The following P2RY13 variants were observed in gnomAD, a reference collection of about 807,000 sequenced individuals.
P2RY13 encodes purinergic receptor P2Y13.
For synonymous variants in P2RY13, 150 were observed against 155.1 expected, an observed-to-expected ratio of 0.97 and a Z score of 0.24; for missense variants, 412 against 418.4, an observed-to-expected ratio of 0.98 and a Z score of 0.13.
chr3:151,328,045 T>C lies in P2RY13; in HGVS notation c.1011A>G (p.Thr337=). 6.2e-7 allele frequency: 1 copy of C among 1,603,834 alleles called. No individual in the cohort carries two copies. Among genetic ancestry groups the C allele is most frequent in the Non-Finnish European group, 8.5e-7 (1 of 1,176,330 alleles). ...TGCTATGATTTTCTTGGCTTGATGC[T>C]GTGGTCTTTCTCCCTTGCATACATG... ...KLPCMQGRKT[T]ASSQENHSSQ... is the part of the protein sequence containing the mutation. Residue 337 remains threonine, a synonymous_variant, in exon 2 of 2, where the codon ACA becomes ACG. Transcript: ENST00000325602.
In P2RY13 at chr3:151,328,826, G is replaced by T. The variant is rs1577344194; in HGVS notation, c.230C>A (p.Thr77Asn). 1 of 1,613,828 alleles carries T rather than the reference G, an allele frequency of 6.2e-7. No individual in the cohort carries two copies. The highest frequency in any genetic ancestry group is 1.7e-5 in the Admixed American group (1 of 59,972). The change falls in exon 2 of 2, where the codon ACC becomes AAC. Residue 77 changes from threonine (T) to asparagine (N), a missense_variant. By Grantham distance (65) the Thr-to-Asn change is moderately conservative. Coordinates refer to ENST00000325602, the MANE Select transcript of P2RY13 (RefSeq NM_176894.3). Reference sequence around the variant, plus strand: ...AGTGTTTTTGAGGTAGATGATGAAGGTGGAGGAGCTGGGGATGTGAACAAA... The same window carrying T: ...AGTGTTTTTGAGGTAGATGATGAAGTTGGAGGAGCTGGGGATGTGAACAAA... ...WVFVHIPSSS[T>N]FIIYLKNTLV...
At chr3:151,329,404 T>G in intron 1 of P2RY13, 77 bp downstream of exon 1, 1 of 898,376 alleles carries the variant, frequency 1.1e-6, no homozygotes. Flanking sequence ...AATATTAACT[T>G]TAAAGCACCT....
rs139632884 is a variant in P2RY13 at position 151,329,519 on chromosome 3, C to T, written c.10G>A (p.Ala4Thr). 51 of 1,547,276 alleles carry T rather than the reference C, an allele frequency of 3.3e-5. No homozygotes were observed. The highest frequency in any genetic ancestry group is 3.0e-4 in the African/African-American group (22 of 72,964). ...CTCAGTTCTCTCTGTCTTCTTATGG[C>T]GGCAGTCATTAGTTCAGCCTACAAA... MTA[A>T]IRRQRELSIL... The change falls in exon 1 of 2, where the codon GCC becomes ACC. Residue 4 changes from alanine (A) to threonine (T), a missense_variant. Physicochemically the swap from Ala to Thr is moderately conservative, Grantham distance 58 (BLOSUM62 0). Transcript: ENST00000325602.
At position 151,327,636 on chromosome 3, in the gene P2RY13, G is replaced by A. The variant is rs1240595818; in HGVS notation, c.*355C>T. ...AAAGCAGTAGTGTTATGTGAATTGTGGAAAAGAATGTGAGAAGGTGTTTGG... is the reference window on the plus strand; with the variant it reads ...AAAGCAGTAGTGTTATGTGAATTGTAGAAAAGAATGTGAGAAGGTGTTTGG... On this transcript the variant is annotated 3_prime_UTR_variant, in exon 2 of 2. Transcript: ENST00000325602. 6.2e-6 allele frequency: 1 copy of A among 160,336 alleles called. No homozygotes were observed. The highest frequency in any genetic ancestry group is 1.3e-5 in the Non-Finnish European group (1 of 74,682). 9.9% of individuals were successfully genotyped at this position (160,336 alleles called of 1,614,324 possible). A position where few individuals can be genotyped will look rare whatever the true frequency, so the allele number is the denominator to read the frequency against.
chr3:151,328,171 C>T lies in P2RY13; in HGVS notation c.885G>A (p.Leu295=). Residue 295 remains leucine, a synonymous_variant, in exon 2 of 2, where the codon CTG becomes CTA. Transcript: ENST00000325602. ...AGAGAGTTGTTTCTTTAGCAATAAACAGTTGATTTTGCAGTCTACAGTCAG... is the reference window on the plus strand; with the variant it reads ...AGAGAGTTGTTTCTTTAGCAATAAATAGTTGATTTTGCAGTCTACAGTCAG... The part of the protein sequence containing the change: ...NKTDCRLQNQ[L]FIAKETTLFL... 1 of 1,612,988 alleles carries T rather than the reference C, an allele frequency of 6.2e-7. No individual in the cohort carries two copies. The highest frequency in any genetic ancestry group is 8.5e-7 in the Non-Finnish European group (1 of 1,179,568).
chr3:151,328,821 T>C lies in P2RY13; in HGVS notation c.235A>G (p.Ile79Val). The C allele has an allele frequency of 6.2e-7, 1 of 1,613,896 alleles. No individual in the cohort carries two copies. The highest frequency in any genetic ancestry group is 1.3e-5 in the African/African-American group (1 of 74,974). Residue 79 changes from isoleucine to valine, a missense_variant, in exon 2 of 2, where the codon ATC becomes GTC. Ile to Val is a conservative substitution (Grantham distance 29). Coordinates refer to ENST00000325602, the MANE Select transcript of P2RY13 (RefSeq NM_176894.3). ...ACCAAAGTGTTTTTGAGGTAGATGA[T>C]GAAGGTGGAGGAGCTGGGGATGTGA... The part of the protein sequence containing the change: ...FVHIPSSSTF[I>V]IYLKNTLVAD...
At chr3:151,329,431 A>G (rs1401784324) in intron 1 of P2RY13, 50 bp downstream of exon 1, 3 of 1,196,312 alleles carry the variant, frequency 2.5e-6, no homozygotes, top group South Asian at 2.7e-5. Context: ...CCTTAAGCAT[A>G]TTCTTTTATA....
Position 151,328,016 on chromosome 3 carries a change from T to A in P2RY13, c.1040A>T (p.Gln347Leu). 1 of 1,585,434 alleles carries A rather than the reference T, an allele frequency of 6.3e-7. No individual in the cohort carries two copies. The highest frequency in any genetic ancestry group is 8.6e-7 in the Non-Finnish European group (1 of 1,168,938). The change falls in exon 2 of 2, where the codon CAG becomes CTG. Residue 347 changes from glutamine to leucine, a missense_variant. Coordinates refer to ENST00000325602, the MANE Select transcript of P2RY13 (RefSeq NM_176894.3). ...TASSQENHSS[Q>L]TDNITLG ...TCAGCCTAAGGTTATGTTGTCTGTC[T>A]GACTGCTATGATTTTCTTGGCTTGA...
In P2RY13 at chr3:151,326,944, T is replaced by C. The variant is rs6440735; in HGVS notation, c.*1047A>G. 0.83 allele frequency: 125,922 copies of C among 152,138 alleles called. 52,425 individuals carry two copies. The highest frequency in any genetic ancestry group is 0.93 in the African/African-American group (38,547 of 41,530). The allele number at this position is 152,138 out of a possible 1,614,324, so 9.4% of individuals were successfully genotyped here. A position where few individuals can be genotyped will look rare whatever the true frequency, so the allele number is the denominator to read the frequency against. On this transcript the variant is annotated 3_prime_UTR_variant, in exon 2 of 2. Coordinates refer to ENST00000325602, the MANE Select transcript of P2RY13 (RefSeq NM_176894.3). Reference sequence around the variant, plus strand: ...GGGTCACCATCCTTTGAAAAATCTCTCAATATGGATGTTACTGATTGTGGG... The same window carrying C: ...GGGTCACCATCCTTTGAAAAATCTCCCAATATGGATGTTACTGATTGTGGG...
chr3:151,328,451 C>A lies in P2RY13; in HGVS notation c.605G>T (p.Gly202Val), dbSNP rs921654890. 4 of 1,613,718 alleles carry A rather than the reference C, an allele frequency of 2.5e-6. No individual in the cohort carries two copies. Among genetic ancestry groups the A allele is most frequent in the Non-Finnish European group, 3.4e-6 (4 of 1,179,746 alleles). ...ATTTACCATTTGATGCCATTTCAGCCCCAGAGGCCCCTTTAAGGAAGCACA... is the reference window on the plus strand; with the variant it reads ...ATTTACCATTTGATGCCATTTCAGCACCAGAGGCCCCTTTAAGGAAGCACA... ...KKCASLKGPL[G>V]LKWHQMVNNI... The change falls in exon 2 of 2, where the codon GGG becomes GTG. Residue 202 changes from glycine (G) to valine (V), a missense_variant. By Grantham distance (109) the Gly-to-Val change is moderately radical (BLOSUM62 -3). Transcript: ENST00000325602.
In P2RY13 at chr3:151,326,876, A is replaced by G. The variant is rs1002614891; in HGVS notation, c.*1115T>C. 3.3e-5 allele frequency: 5 copies of G among 152,290 alleles called. No homozygotes were observed. In the South Asian group the frequency reaches 1.0e-3, roughly 32 times the overall value. 9.4% of individuals were successfully genotyped at this position (152,290 alleles called of 1,614,324 possible). A position where few individuals can be genotyped will look rare whatever the true frequency, so the allele number is the denominator to read the frequency against. Reference sequence around the variant, plus strand: ...GCCACATTTTACTTTTTTGAATCACAGAAGGATGCAAGAAAAAATACCAAG... The same window carrying G: ...GCCACATTTTACTTTTTTGAATCACGGAAGGATGCAAGAAAAAATACCAAG... On this transcript the variant is annotated 3_prime_UTR_variant, in exon 2 of 2. Transcript: ENST00000325602.
rs532583215 is a variant in P2RY13 at position 151,327,692 on chromosome 3, C to T, written c.*299G>A. On this transcript the variant is annotated 3_prime_UTR_variant, in exon 2 of 2. Coordinates refer to ENST00000325602, the MANE Select transcript of P2RY13 (RefSeq NM_176894.3). ...AGGTTTGTAGGGATATACGTTTCTCCTTAGTCTTTTCCAAAATGTTAAAGT... is the reference window on the plus strand; with the variant it reads ...AGGTTTGTAGGGATATACGTTTCTCTTTAGTCTTTTCCAAAATGTTAAAGT... The T allele has an allele frequency of 1.8e-5, 4 of 218,506 alleles. No homozygotes were observed. In the East Asian group the frequency reaches 3.0e-4, roughly 16 times the overall value. The allele number at this position is 218,506 out of a possible 1,614,324, so 13.5% of individuals were successfully genotyped here.
chr3:151,328,010 T>C lies in P2RY13; in HGVS notation c.1046A>G (p.Asp349Gly). The change falls in exon 2 of 2, where the codon GAC becomes GGC. Residue 349 changes from aspartate to glycine, a missense_variant. Physicochemically the swap from Asp to Gly is moderately conservative, Grantham distance 94. Transcript: ENST00000325602. Reference sequence around the variant, plus strand: ...CAGTTGTCAGCCTAAGGTTATGTTGTCTGTCTGACTGCTATGATTTTCTTG... The same window carrying C: ...CAGTTGTCAGCCTAAGGTTATGTTGCCTGTCTGACTGCTATGATTTTCTTG... ...SSQENHSSQT[D>G]NITLG is the part of the protein sequence containing the mutation. 1 of 1,576,844 alleles carries C rather than the reference T, an allele frequency of 6.3e-7. No individual in the cohort carries two copies. Among genetic ancestry groups the C allele is most frequent in the Non-Finnish European group, 8.6e-7 (1 of 1,165,554 alleles).
rs1749800289 is a variant in P2RY13 at position 151,327,705 on chromosome 3, A to C, written c.*286T>G. Reference sequence around the variant, plus strand: ...TATACGTTTCTCCTTAGTCTTTTCCAAAATGTTAAAGTGAAATGCTCTTGA... The same window carrying C: ...TATACGTTTCTCCTTAGTCTTTTCCCAAATGTTAAAGTGAAATGCTCTTGA... On this transcript the variant is annotated 3_prime_UTR_variant, in exon 2 of 2. Transcript: ENST00000325602. 4.1e-6 allele frequency: 1 copy of C among 243,008 alleles called. No homozygotes were observed. Among genetic ancestry groups the C allele is most frequent in the African/African-American group, 2.3e-5 (1 of 44,140 alleles). The allele number at this position is 243,008 out of a possible 1,614,324, so 15.1% of individuals were successfully genotyped here. A position where few individuals can be genotyped will look rare whatever the true frequency, so the allele number is the denominator to read the frequency against.
rs1243122579 is a variant in P2RY13, at chr3:151,328,494, G to A, written c.562C>T (p.Pro188Ser). ...NTILSNKEATPSSVKKCASLK... is the reference protein window; with the variant it reads ...NTILSNKEATSSSVKKCASLK... ...GAAGCACACTTTTTCACAGACGATG[G>A]TGTTGCTTCCTTGTTGCTCAAGATC... Residue 188 changes from proline (P) to serine (S), a missense_variant, in exon 2 of 2, where the codon CCA becomes TCA. Coordinates refer to ENST00000325602, the MANE Select transcript of P2RY13 (RefSeq NM_176894.3). 5 of 1,613,876 alleles carry A rather than the reference G, an allele frequency of 3.1e-6. No homozygotes were observed. Among genetic ancestry groups the A allele is most frequent in the African/African-American group, 1.3e-5 (1 of 74,904 alleles).
chr3:151,329,079 T>A, intron 1 of P2RY13, 72 bp from the exon 2 acceptor site: 1 of 1,131,854 alleles, frequency 8.8e-7, no homozygotes, highest in Non-Finnish European at 1.3e-6. Context: ...TGCTATTTTT[T>A]AAAAACAGAC....
Position 151,326,951 on chromosome 3 carries a change from G to T in P2RY13, c.*1040C>A, listed in dbSNP as rs1749674940. ...CATCCTTTGAAAAATCTCTCAATAT[G>T]GATGTTACTGATTGTGGGTCAGCAA... is the stretch of plus-strand genomic sequence containing the variant. On this transcript the variant is annotated 3_prime_UTR_variant, in exon 2 of 2. Transcript: ENST00000325602. 1 of 152,132 alleles carries T rather than the reference G, an allele frequency of 6.6e-6. No homozygotes were observed. The highest frequency in any genetic ancestry group is 1.5e-5 in the Non-Finnish European group (1 of 68,034). The allele number at this position is 152,132 out of a possible 1,614,324, so 9.4% of individuals were successfully genotyped here. A position where few individuals can be genotyped will look rare whatever the true frequency, so the allele number is the denominator to read the frequency against.
rs768905525 is a variant in P2RY13, at chr3:151,328,698, A to T, written c.358T>A (p.Ser120Thr). 1 of 1,614,072 alleles carries T rather than the reference A, an allele frequency of 6.2e-7. No homozygotes were observed. The highest frequency in any genetic ancestry group is 8.5e-7 in the Non-Finnish European group (1 of 1,179,966). ...QLRAFVCRFS[S>T]VIFYETMYVG... Reference sequence around the variant, plus strand: ...TACATGGTCTCATAAAATATCACCGAAGAAAAACGACACACAAAAGCTCTG... The same window carrying T: ...TACATGGTCTCATAAAATATCACCGTAGAAAAACGACACACAAAAGCTCTG... Residue 120 changes from serine (S) to threonine (T), a missense_variant, in exon 2 of 2, where the codon TCG (serine) becomes ACG (threonine). By Grantham distance (58) the Ser-to-Thr change is moderately conservative (BLOSUM62 1). Coordinates refer to ENST00000325602, the MANE Select transcript of P2RY13 (RefSeq NM_176894.3).
In P2RY13 at chr3:151,328,442, C is replaced by T. The variant is rs757639633; in HGVS notation, c.614G>A (p.Trp205Ter). The change falls in exon 2 of 2, where the codon TGG becomes TAG. Residue 205 changes from tryptophan (W) to a stop codon, truncating the protein, a stop_gained. Transcript: ENST00000325602. LOFTEE classifies it low-confidence loss of function (END_TRUNC). ...GCATATGTTATTTACCATTTGATGC[C>T]ATTTCAGCCCCAGAGGCCCCTTTAA... ...ASLKGPLGLK[W>*]HQMVNNICQF... The T allele has an allele frequency of 1.6e-5, 26 of 1,613,534 alleles. No homozygotes were observed. Among genetic ancestry groups the T allele is most frequent in the Non-Finnish European group, 2.1e-5 (25 of 1,179,656 alleles).
Sources: gnomAD v4.1 joint callset for allele counts on GRCh38, gnomAD v4.1.1 for gene constraint, MANE v1.5 for transcripts, NCBI Gene and HGNC (gene_info 2026-07-23, HGNC 2026-07-21) for gene names.